PPFIA4: variants seen among roughly 807,000 people sequenced by gnomAD.
PPFIA4 encodes the protein liprin-alpha-4.
A neutral mutation model predicts 145.7 loss-of-function variants in PPFIA4; 98 were observed. The observed-to-expected ratio is 0.67, with a 90% CI of 0.57 to 0.80. PPFIA4 has a LOEUF of 0.80. PPFIA4 is among the 30% of genes least tolerant of loss of function. The pLI is 0.00. For synonymous variants in PPFIA4, 628 were observed against 649.6 expected (o/e 0.97, Z 0.51); for missense variants, 1,457 against 1,632.7 (o/e 0.89, Z 1.85).
chr1:203,032,933 C>T (rs1658956218), intron 1 of PPFIA4, among the ~76,000 whole-genome samples: 2 of 152,140 alleles, frequency 1.3e-5, no homozygotes, highest in Non-Finnish European at 2.9e-5. Context: ...TAGGCCATGT[C>T]TTGGGAAGAG....
intron 2 of PPFIA4, among the ~76,000 whole-genome samples, chr1:203,039,809 C>T (rs1361817627): frequency 6.6e-6 from 1 of 152,226 alleles, no homozygotes; most frequent in Non-Finnish European, 1.5e-5. Flanking sequence ...TATAAGGATT[C>T]TCTCACTAAA....
At chr1:203,028,061 A>G (rs911681942) in intron 1 of PPFIA4, among the ~76,000 whole-genome samples, 5 of 152,166 alleles carry the variant, frequency 3.3e-5, no homozygotes, top group Non-Finnish European at 7.3e-5. Context: ...CGGTATCTCA[A>G]AGTAAGGAGA....
rs532205981 is a variant in PPFIA4 at position 203,061,779 on chromosome 1, G to A, written c.2874+101G>A. The A allele has an allele frequency of 1.6e-5, 20 of 1,274,910 alleles. No homozygotes were observed. In the African/African-American group the frequency reaches 2.3e-4, roughly 15 times the overall value. The allele number at this position is 1,274,910 out of a possible 1,614,324, so 79.0% of individuals were successfully genotyped here. A position where few individuals can be genotyped will look rare whatever the true frequency, so the allele number is the denominator to read the frequency against. On this transcript the variant is annotated intron_variant, in intron 24 of 29. Transcript: ENST00000295706. ...GCAGGAATCTCTGAGTCCTTCATAT[G>A]AAAAGCCCTGGACATAGGTTCTCTG...
chr1:203,059,036 A>C (rs1228969310), intron 19 of PPFIA4, 142 bp from the exon 20 acceptor site: 1 of 655,310 alleles, frequency 1.5e-6, no homozygotes, highest in Non-Finnish European at 2.7e-6. Context: ...CACTGAGCAG[A>C]AGCTCCAGGA....
At chr1:203,045,725 A>T (rs1660032204) in intron 7 of PPFIA4, 116 bp from the exon 8 acceptor site, 1 of 1,506,696 alleles carries the variant, frequency 6.6e-7, no homozygotes, top group Non-Finnish European at 9.0e-7. Flanking sequence ...CTGACAGGAG[A>T]GTGTAGCTCA....
rs1172262823 is a variant in PPFIA4, at chr1:203,078,653, A to C, written c.*2263A>C. On this transcript the variant is annotated 3_prime_UTR_variant, in exon 30 of 30. Coordinates refer to ENST00000295706, the MANE Select transcript of PPFIA4 (RefSeq NM_001304331.2). ...CAGTACTGTATTTGCTCAGTGCATC[A>C]GGAATGGGTGTATGGGTGTGTGTGG... 1 of 151,974 alleles carries C rather than the reference A, an allele frequency of 6.6e-6. No individual in the cohort carries two copies. The highest frequency in any genetic ancestry group is 2.4e-5 in the African/African-American group (1 of 41,124). 9.4% of individuals were successfully genotyped at this position (151,974 alleles called of 1,614,324 possible). A position where few individuals can be genotyped will look rare whatever the true frequency, so the allele number is the denominator to read the frequency against.
rs1350976867 is a variant in PPFIA4, at chr1:203,060,424, G to T, written c.2784+7G>T. On this transcript the variant is annotated splice_region_variant and intron_variant, in intron 22 of 29. Transcript: ENST00000295706. The surrounding 1 kb of genome is among the most constrained non-coding windows in gnomAD (Gnocchi z 4.8). ...CCCACCCACCTCCAGGACTGTGAGT[G>T]GCCCCTCCTTTGCCCAGGACATTTT... The T allele has an allele frequency of 6.2e-7, 1 of 1,611,950 alleles. No individual in the cohort carries two copies. Among genetic ancestry groups the T allele is most frequent in the East Asian group, 2.2e-5 (1 of 44,882 alleles).
At chr1:203,074,592 C>T (rs1176268818) in intron 28 of PPFIA4, among the ~76,000 whole-genome samples, 1 of 152,038 alleles carries the variant, frequency 6.6e-6, no homozygotes, top group Non-Finnish European at 1.5e-5. Context: ...CACAACAAAC[C>T]CTAGCGGGGA....
chr1:203,070,924 TTATC>T (rs918012115), intron 27 of PPFIA4, among the ~76,000 whole-genome samples: 2 of 151,710 alleles, frequency 1.3e-5, no homozygotes, highest in African/African-American at 4.8e-5. Flanking sequence ...TGACGTCTCT[TTATC>T]TATGTGTTCT....
At chr1:203,033,399 A>G (rs1318329749) in intron 1 of PPFIA4, among the ~76,000 whole-genome samples, 2 of 152,174 alleles carry the variant, frequency 1.3e-5, no homozygotes, top group Non-Finnish European at 2.9e-5. Flanking sequence ...TTCTTATTGT[A>G]GTTCAGTGGG....
At chr1:203,045,668 T>A in intron 7 of PPFIA4, 109 bp downstream of exon 7, 1 of 1,451,202 alleles carries the variant, frequency 6.9e-7, no homozygotes, top group Non-Finnish European at 9.2e-7. Flanking sequence ...CTTGCCTGGC[T>A]CCATTGTTGG....
intron 1 of PPFIA4, among the ~76,000 whole-genome samples, chr1:203,036,997 T>G (rs1659322051): frequency 6.6e-6 from 1 of 152,200 alleles, no homozygotes; most frequent in South Asian, 2.1e-4. Flanking sequence ...GTCTCTGTGT[T>G]TCTATCTTGG....
At chr1:203,046,756 G>A (rs1660117346) in intron 9 of PPFIA4, among the ~76,000 whole-genome samples, 1 of 151,594 alleles carries the variant, frequency 6.6e-6, no homozygotes. Context: ...TCTCTGGAAA[G>A]GTGAAACCTT....
chr1:203,026,849 C>A (rs1558055867), intron 1 of PPFIA4, among the ~76,000 whole-genome samples: 1 of 152,152 alleles, frequency 6.6e-6, no homozygotes, highest in Non-Finnish European at 1.5e-5. Flanking sequence ...AGGGGCGATG[C>A]CTGATCTGCG....
chr1:203,039,257 C>T lies in PPFIA4; in HGVS notation c.234+15C>T. The T allele has an allele frequency of 6.5e-7, 1 of 1,546,554 alleles. No individual in the cohort carries two copies. Among genetic ancestry groups the T allele is most frequent in the Non-Finnish European group, 8.7e-7 (1 of 1,147,034 alleles). On this transcript the variant is annotated intron_variant, in intron 2 of 29. Transcript: ENST00000295706. ...CCCTCCCCCAGGTAAGGCCCGAAGG[C>T]CTGCGTCTCTCTTAACCCCTTTCCC...
In PPFIA4 at chr1:203,030,231, G is replaced by A. The variant is rs137927655; in HGVS notation, c.-400+3602G>A. ...TGTTGTGAAAGGAACTCCCACACAG[G>A]GTGGGAAGTGGCCTGTGTGACCTCC... On this transcript the variant is annotated intron_variant, in intron 1 of 29. Coordinates refer to ENST00000295706, the MANE Select transcript of PPFIA4 (RefSeq NM_001304331.2). Among the ~76,000 whole-genome samples, 1,271 of 152,254 alleles carry A rather than the reference G, an allele frequency of 8.3e-3. 22 individuals are homozygous for A. The highest frequency in any genetic ancestry group is 0.029 in the African/African-American group (1,203 of 41,536).
chr1:203,045,824 G>C lies in PPFIA4; in HGVS notation c.859-17G>C, dbSNP rs750522971. The C allele has an allele frequency of 5.7e-5, 92 of 1,612,780 alleles. No homozygotes were observed. In the East Asian group the frequency reaches 2.1e-3, roughly 36 times the overall value. On this transcript the variant is annotated splice_polypyrimidine_tract_variant and intron_variant, in intron 7 of 29. Transcript: ENST00000295706. ...GGAAAGGCTGGTTACCGTCCTTCTT[G>C]TCCCCTCTTCTCCCAGGCTCTGGCC...
rs1338319185 is a variant in PPFIA4 at position 203,075,101 on chromosome 1, C to A, written c.3394-476C>A. 6.6e-6 allele frequency among the ~76,000 whole-genome samples: 1 copy of A among 152,076 alleles called. No individual in the cohort carries two copies. The highest frequency in any genetic ancestry group is 1.5e-5 in the Non-Finnish European group (1 of 68,002). On this transcript the variant is annotated intron_variant, in intron 28 of 29. Coordinates refer to ENST00000295706, the MANE Select transcript of PPFIA4 (RefSeq NM_001304331.2). This position sits in a 1 kb window ranked among gnomAD's most constrained non-coding sequence, Gnocchi z 4.1. ...AAAATGGCAGAGCCAGGATTAGAAG[C>A]CAGGTGTCTGACTCCCGCCCGACAT...
chr1:203,076,242 C>G, intron 29 of PPFIA4, 99 bp from the exon 30 acceptor site: 1 of 1,347,892 alleles, frequency 7.4e-7, no homozygotes, highest in Non-Finnish European at 1.0e-6. Flanking sequence ...GCGCTTGGAG[C>G]ACGCTGCGTT....
Sources: allele counts gnomAD v4.1 joint callset (sites outside exome capture counted in the v4.1 genomes callset), GRCh38; gene constraint gnomAD v4.1.1; non-coding constraint Gnocchi (gnomAD v3.1); transcripts MANE v1.5; gene names NCBI Gene and HGNC (gene_info 2026-07-23, HGNC 2026-07-21).